The following CFAP90 variants were observed in gnomAD, a reference collection of about 807,000 sequenced individuals.
The protein encoded by CFAP90 is cilia- and flagella-associated protein 90.
the CFAP90 span, among the ~76,000 whole-genome samples, chr5:7,838,235 G>A: frequency 3.9e-5 from 6 of 152,036 alleles, no homozygotes; most frequent in East Asian, 1.9e-4. Context: ...TAGAAAACTC[G>A]TACACATGAA....
At chr5:7,844,329 G>A in the CFAP90 span, among the ~76,000 whole-genome samples, 4 of 152,282 alleles carry the variant, frequency 2.6e-5, no homozygotes, top group Admixed American at 6.5e-5. Context: ...AATCCAAACC[G>A]AAACCCCCAA....
At chr5:7,843,494 C>G in the CFAP90 span, among the ~76,000 whole-genome samples, 10 of 152,292 alleles carry the variant, frequency 6.6e-5, no homozygotes, top group South Asian at 1.7e-3. Context: ...GATAATTCCT[C>G]CCTCTGATCT....
At chr5:7,844,002 T>C in the CFAP90 span, among the ~76,000 whole-genome samples, 1 of 152,080 alleles carries the variant, frequency 6.6e-6, no homozygotes, top group African/African-American at 2.4e-5. Context: ...CATGGATTCC[T>C]CACTCTCGGT....
chr5:7,843,436 T>C, the CFAP90 span, among the ~76,000 whole-genome samples: 5 of 152,224 alleles, frequency 3.3e-5, no homozygotes, highest in African/African-American at 1.2e-4. Flanking sequence ...TAGAAATTCT[T>C]ATAAATTTTC....
At chr5:7,846,059 T>C in the CFAP90 span, among the ~76,000 whole-genome samples, 1 of 151,988 alleles carries the variant, frequency 6.6e-6, no homozygotes, top group African/African-American at 2.4e-5. Flanking sequence ...CAAATCATAA[T>C]AATAGCTATA....
At chr5:7,835,445 AT>A in the CFAP90 span, 1 of 1,606,498 alleles carries the variant, frequency 6.2e-7, no homozygotes, top group African/African-American at 1.3e-5. Context: ...GCAACTTCTG[AT>A]CATAATCTAG....
the CFAP90 span, among the ~76,000 whole-genome samples, chr5:7,837,951 C>A: frequency 6.6e-6 from 1 of 152,158 alleles, no homozygotes; most frequent in African/African-American, 2.4e-5. Flanking sequence ...TATGAGTTCA[C>A]CAGACACAAG....
the CFAP90 span, among the ~76,000 whole-genome samples, chr5:7,838,990 G>C: frequency 6.6e-6 from 1 of 152,198 alleles, no homozygotes; most frequent in East Asian, 1.9e-4. Flanking sequence ...ATTTATAAAA[G>C]AAAGAGGTTT....
chr5:7,846,750 TTTA>T, the CFAP90 span, among the ~76,000 whole-genome samples: 1 of 152,122 alleles, frequency 6.6e-6, no homozygotes, highest in African/African-American at 2.4e-5. Flanking sequence ...TCTTCTTACT[TTTA>T]TTATTATATT....
chr5:7,837,172 T>C, the CFAP90 span, among the ~76,000 whole-genome samples: 63 of 152,176 alleles, frequency 4.1e-4, 1 homozygote, highest in Non-Finnish European at 8.2e-4. Context: ...AAATGACCCA[T>C]TAACAGAGCC....
At chr5:7,850,496 C>A in the CFAP90 span, among the ~76,000 whole-genome samples, 5,686 of 151,318 alleles carry the variant, frequency 0.038, 165 homozygotes, top group African/African-American at 0.071. Flanking sequence ...GGCGGCGCAT[C>A]CCTGCCCCCA....
chr5:7,831,172 C>T, the CFAP90 span: 1 of 152,272 alleles, frequency 6.6e-6, no homozygotes. Context: ...AATCTAGCCT[C>T]TTCCCATGAC....
At chr5:7,830,512 A>G in the CFAP90 span, 3 of 152,238 alleles carry the variant, frequency 2.0e-5, no homozygotes, top group Non-Finnish European at 4.4e-5. Context: ...TACTATAAAT[A>G]TGGTATAATG....
chr5:7,843,468 A>G, the CFAP90 span, among the ~76,000 whole-genome samples: 1 of 152,240 alleles, frequency 6.6e-6, no homozygotes, highest in South Asian at 2.1e-4. Flanking sequence ...ATATTTTACC[A>G]TCAGACTGAA....
At chr5:7,836,135 A>G in the CFAP90 span, among the ~76,000 whole-genome samples, 3 of 152,162 alleles carry the variant, frequency 2.0e-5, no homozygotes, top group African/African-American at 7.2e-5. Context: ...CCGCCTCCCA[A>G]TACCACCACA....
At chr5:7,844,694 G>T in the CFAP90 span, among the ~76,000 whole-genome samples, 12 of 152,302 alleles carry the variant, frequency 7.9e-5, no homozygotes, top group African/African-American at 2.6e-4. Context: ...AGGCATGTAA[G>T]CTTATGAGTC....
At chr5:7,845,078 G>T in the CFAP90 span, among the ~76,000 whole-genome samples, 3 of 152,178 alleles carry the variant, frequency 2.0e-5, no homozygotes, top group Non-Finnish European at 2.9e-5. Flanking sequence ...AAGCAAAGGG[G>T]AAGCAAAGAC....
At chr5:7,835,342 A>C in the CFAP90 span, 1 of 1,125,102 alleles carries the variant, frequency 8.9e-7, no homozygotes, top group Non-Finnish European at 1.3e-6. Context: ...AAGTTTTGTT[A>C]ATCTGTTGAC....
the CFAP90 span, among the ~76,000 whole-genome samples, chr5:7,838,791 C>T: frequency 6.6e-6 from 1 of 152,116 alleles, no homozygotes; most frequent in Non-Finnish European, 1.5e-5. Context: ...GAACTGAACC[C>T]CTGGGAGAAA....
Sources: allele counts gnomAD v4.1 joint callset (sites outside exome capture counted in the v4.1 genomes callset), GRCh38; gene constraint gnomAD v4.1.1; transcripts MANE v1.5; gene names NCBI Gene and HGNC (gene_info 2026-07-23, HGNC 2026-07-21).